The following KIAA0040 variants were observed in gnomAD, a reference collection of about 807,000 sequenced individuals.
KIAA0040 encodes the protein KIAA0040.
A neutral mutation model predicts 7.2 loss-of-function variants in KIAA0040; 10 were observed. The observed-to-expected ratio is 1.38, with a 90% CI of 0.85 to 2.34. The LOEUF (loss-of-function observed/expected upper bound fraction) is 2.34. Among genes scored for constraint, KIAA0040 ranks in the 30% most tolerant of loss-of-function variants. The pLI, the probability that KIAA0040 is intolerant of heterozygous loss-of-function variation, is 0.00. For synonymous variants in KIAA0040, 49 were observed against 40.1 expected, an observed-to-expected ratio of 1.22 and a Z score of -0.84; for missense variants, 89 against 108.2, an observed-to-expected ratio of 0.82 and a Z score of 0.79.
At chr1:175,164,448 C>T (rs1189347131) in intron 3 of KIAA0040, among the ~76,000 whole-genome samples, 1 of 152,156 alleles carries the variant, frequency 6.6e-6, no homozygotes, top group African/African-American at 2.4e-5. Context: ...GCTTAGTTGG[C>T]TGAAGTAGAA....
At chr1:175,187,938 A>G (rs757140254) in intron 1 of KIAA0040, among the ~76,000 whole-genome samples, 1 of 152,194 alleles carries the variant, frequency 6.6e-6, no homozygotes, top group Non-Finnish European at 1.5e-5. Context: ...TCTGAAGACT[A>G]TCCAGCTTGA....
intron 2 of KIAA0040, 35 bp from the exon 3 acceptor site, chr1:175,166,772 T>C (rs1676781964): frequency 6.6e-6 from 1 of 152,140 alleles, no homozygotes; most frequent in Non-Finnish European, 1.5e-5. Context: ...AGAAGTATAG[T>C]GTGATGAGTT....
At chr1:175,186,858 G>C (rs754619635) in intron 1 of KIAA0040, among the ~76,000 whole-genome samples, 2 of 152,198 alleles carry the variant, frequency 1.3e-5, no homozygotes, top group Non-Finnish European at 2.9e-5. Flanking sequence ...TGGTATGCAA[G>C]TGTGTTCCCC....
chr1:175,161,029 T>G lies in KIAA0040; in HGVS notation c.-16A>C. ...TTCTCTCCATGGTGCTTGGCTAGAT[T>G]AGGGCCAGAGAACCCTCTCGGCTTA... On this transcript the variant is annotated 5_prime_UTR_variant, in exon 4 of 4. Transcript: ENST00000423313. The G allele has an allele frequency of 6.5e-7, 1 of 1,542,170 alleles. No homozygotes were observed. Among genetic ancestry groups the G allele is most frequent in the Non-Finnish European group, 8.8e-7 (1 of 1,141,966 alleles).
At chr1:175,180,784 T>G (rs1282793875) in intron 1 of KIAA0040, among the ~76,000 whole-genome samples, 1 of 152,210 alleles carries the variant, frequency 6.6e-6, no homozygotes, top group African/African-American at 2.4e-5. Context: ...ATTACATCAC[T>G]TGGAAGTGAG....
intron 1 of KIAA0040, among the ~76,000 whole-genome samples, chr1:175,186,407 T>G (rs907367870): frequency 6.6e-6 from 1 of 152,250 alleles, no homozygotes; most frequent in Non-Finnish European, 1.5e-5. Context: ...TTTCCCCTTT[T>G]ACCCTCAGGC....
At chr1:175,185,275 T>C (rs1677613174) in intron 1 of KIAA0040, among the ~76,000 whole-genome samples, 1 of 152,238 alleles carries the variant, frequency 6.6e-6, no homozygotes, top group African/African-American at 2.4e-5. Context: ...GTAGTACCTA[T>C]TTTGTTCAGT....
chr1:175,188,545 C>T (rs762009449), intron 1 of KIAA0040, among the ~76,000 whole-genome samples: 1 of 152,166 alleles, frequency 6.6e-6, no homozygotes. Context: ...AGTTACATAT[C>T]GATATTGGAT....
At chr1:175,175,938 T>C (rs1677171283) in intron 2 of KIAA0040, among the ~76,000 whole-genome samples, 1 of 152,302 alleles carries the variant, frequency 6.6e-6, no homozygotes, top group South Asian at 2.1e-4. Flanking sequence ...GACGAGTTAA[T>C]GGGTGCAGCA....
At chr1:175,179,011 C>T (rs1677329293) in intron 1 of KIAA0040, among the ~76,000 whole-genome samples, 1 of 151,616 alleles carries the variant, frequency 6.6e-6, no homozygotes, top group Non-Finnish European at 1.5e-5. Context: ...GCTGTGCCAG[C>T]TCCTGGGCTG....
At chr1:175,178,995 A>G (rs1332839812) in intron 1 of KIAA0040, among the ~76,000 whole-genome samples, 1 of 150,412 alleles carries the variant, frequency 6.6e-6, no homozygotes, top group African/African-American at 2.5e-5. Flanking sequence ...CATGGAGGAG[A>G]TAGAGGCTGT....
At chr1:175,191,609 C>G (rs761506334) in intron 1 of KIAA0040, among the ~76,000 whole-genome samples, 1 of 152,204 alleles carries the variant, frequency 6.6e-6, no homozygotes, top group Non-Finnish European at 1.5e-5. Flanking sequence ...AACTTGCAAA[C>G]CATTTGCAAA....
chr1:175,162,614 G>T (rs1676590590), intron 3 of KIAA0040, among the ~76,000 whole-genome samples: 1 of 152,222 alleles, frequency 6.6e-6, no homozygotes, highest in Non-Finnish European at 1.5e-5. Context: ...TTCAAGATCA[G>T]CTCAGGCTTC....
chr1:175,190,842 G>T (rs1345959882), intron 1 of KIAA0040, among the ~76,000 whole-genome samples: 1 of 152,166 alleles, frequency 6.6e-6, no homozygotes, highest in Non-Finnish European at 1.5e-5. Flanking sequence ...ATAGGAGGGA[G>T]TTCACCCTTC....
intron 2 of KIAA0040, among the ~76,000 whole-genome samples, chr1:175,167,671 A>G (rs1676821170): frequency 6.6e-6 from 1 of 152,120 alleles, no homozygotes; most frequent in Admixed American, 6.5e-5. Flanking sequence ...GGGGGAGGAA[A>G]TGATCACAGT....
In KIAA0040 at chr1:175,172,525, C is replaced by T. The variant is rs142485091; in HGVS notation, c.-310+5086G>A. ...GCCCGGGAGTTTGAGGTTACAGTGA[C>T]TGCACCACTGCACTCCAGTCCAGGT... On this transcript the variant is annotated intron_variant, in intron 2 of 3. Transcript: ENST00000423313. 3.5e-3 allele frequency among the ~76,000 whole-genome samples: 539 copies of T among 152,326 alleles called. 4 individuals are homozygous for T. The highest frequency in any genetic ancestry group is 0.012 in the African/African-American group (514 of 41,574).
chr1:175,160,501 G>A lies in KIAA0040; in HGVS notation c.*213C>T. The A allele has an allele frequency of 1.8e-6, 1 of 567,812 alleles. No homozygotes were observed. The highest frequency in any genetic ancestry group is 3.1e-6 in the Non-Finnish European group (1 of 321,034). The allele number at this position is 567,812 out of a possible 1,614,324, so 35.2% of individuals were successfully genotyped here. A position where few individuals can be genotyped will look rare whatever the true frequency, so the allele number is the denominator to read the frequency against. On this transcript the variant is annotated 3_prime_UTR_variant, in exon 4 of 4. Transcript: ENST00000423313. Reference sequence around the variant, plus strand: ...TCTGCAGTAAGGAGCATTGCTATTGGACACATAGCTGCCAAGACAGTATCC... The same window carrying A: ...TCTGCAGTAAGGAGCATTGCTATTGAACACATAGCTGCCAAGACAGTATCC...
At chr1:175,175,063 C>T (rs945633345) in intron 2 of KIAA0040, among the ~76,000 whole-genome samples, 4 of 152,152 alleles carry the variant, frequency 2.6e-5, no homozygotes, top group South Asian at 2.1e-4. Context: ...TGGGGCGTTG[C>T]CTTTTCTGTT....
At chr1:175,173,274 CA>C (rs1230761500) in intron 2 of KIAA0040, among the ~76,000 whole-genome samples, 1 of 152,070 alleles carries the variant, frequency 6.6e-6, no homozygotes, top group African/African-American at 2.4e-5. Flanking sequence ...TTCAGGAGGC[CA>C]AAATCTCAAA....
Sources: gnomAD v4.1 joint callset for allele counts (sites outside exome capture counted in the v4.1 genomes callset) on GRCh38, gnomAD v4.1.1 for gene constraint, MANE v1.5 for transcripts, NCBI Gene and HGNC (gene_info 2026-07-23, HGNC 2026-07-21) for gene names.